UPP2: variants seen among roughly 807,000 people sequenced by gnomAD.
The protein encoded by UPP2 is uridine phosphorylase 2, also known as UPase 2.
Under a neutral mutation model 26.7 loss-of-function variants are expected in UPP2, and 23 were observed. The ratio of observed to expected loss-of-function variants is 0.86; its 90% CI spans 0.62 to 1.22. UPP2 has a LOEUF of 1.22. Among genes scored for constraint, UPP2 ranks in the 50% most tolerant of loss-of-function variants. UPP2 has a pLI of 0.00. For missense variants in UPP2, 387 were observed against 396.7 expected, an observed-to-expected ratio of 0.98 and a Z score of 0.21; for synonymous variants, 127 against 141.3, an observed-to-expected ratio of 0.90 and a Z score of 0.72.
chr2:158,091,168 C>T (rs1278561674), intron 3 of UPP2, among the ~76,000 whole-genome samples: 1 of 152,218 alleles, frequency 6.6e-6, no homozygotes, highest in South Asian at 2.1e-4. Context: ...TGTGGACACA[C>T]TTGTAGCCTC....
chr2:158,114,643 C>T (rs75947104), intron 2 of UPP2, among the ~76,000 whole-genome samples: 7,748 of 152,230 alleles, frequency 0.051, 412 homozygotes, highest in Admixed American at 0.16. Flanking sequence ...CTCCATTTCA[C>T]AATACAAATT....
intron 2 of UPP2, among the ~76,000 whole-genome samples, chr2:157,996,984 A>T (rs772743078): frequency 5.1e-4 from 78 of 152,334 alleles, no homozygotes; most frequent in Non-Finnish European, 9.8e-4. Flanking sequence ...AGAAGGACCA[A>T]GAGAATAACA....
intron 3 of UPP2, among the ~76,000 whole-genome samples, chr2:158,070,609 C>T (rs775281310): frequency 5.3e-5 from 8 of 152,184 alleles, no homozygotes; most frequent in South Asian, 2.1e-4. Flanking sequence ...TTATGGGGGG[C>T]GGAGCAAGGT....
intron 4 of UPP2, 40 bp downstream of exon 4, chr2:158,117,978 C>G: frequency 6.6e-7 from 1 of 1,522,658 alleles, no homozygotes; most frequent in Non-Finnish European, 9.1e-7. Flanking sequence ...CTGAGTGATC[C>G]TTACATACAT....
chr2:158,124,870 A>G (rs1265251163), intron 6 of UPP2, among the ~76,000 whole-genome samples: 1 of 152,180 alleles, frequency 6.6e-6, no homozygotes, highest in Non-Finnish European at 1.5e-5. Flanking sequence ...TAGACATCAA[A>G]ATGGAGGCCA....
chr2:158,016,880 A>C (rs911604087), intron 3 of UPP2, among the ~76,000 whole-genome samples: 1 of 152,162 alleles, frequency 6.6e-6, no homozygotes, highest in Non-Finnish European at 1.5e-5. Context: ...AACAAAAAAG[A>C]AAGCCAAGGA....
intron 3 of UPP2, among the ~76,000 whole-genome samples, chr2:158,028,555 C>G (rs967355042): frequency 6.6e-6 from 1 of 152,156 alleles, no homozygotes; most frequent in Non-Finnish European, 1.5e-5. Context: ...TCTTCTGAGC[C>G]CCCCAATCTG....
chr2:158,001,833 A>G (rs1262475907), intron 2 of UPP2, among the ~76,000 whole-genome samples: 1 of 152,082 alleles, frequency 6.6e-6, no homozygotes, highest in Non-Finnish European at 1.5e-5. Flanking sequence ...GCTTGCAAAT[A>G]CCTGGACATT....
At chr2:158,089,324 C>A in intron 3 of UPP2, among the ~76,000 whole-genome samples, 1 of 152,168 alleles carries the variant, frequency 6.6e-6, no homozygotes, top group East Asian at 1.9e-4. Flanking sequence ...GGCTCACTCC[C>A]ACCGTGCCCC....
intron 3 of UPP2, among the ~76,000 whole-genome samples, chr2:158,064,703 G>A (rs1682408174): frequency 6.6e-6 from 1 of 152,094 alleles, no homozygotes; most frequent in East Asian, 1.9e-4. Flanking sequence ...TTTTCTTCTA[G>A]GATTTTTATG....
chr2:158,022,787 C>T (rs1480185743), intron 3 of UPP2, among the ~76,000 whole-genome samples: 1 of 152,116 alleles, frequency 6.6e-6, no homozygotes, highest in Non-Finnish European at 1.5e-5. Flanking sequence ...CTTCTTAATT[C>T]CTTATTTATC....
In UPP2 at chr2:158,123,688, A is replaced by G. The variant is rs149918167; in HGVS notation, c.665-61A>G. 1,364 of 1,578,390 alleles carry G rather than the reference A, an allele frequency of 8.6e-4. 3 individuals are homozygous for G. The highest frequency in any genetic ancestry group is 1.1e-3 in the Non-Finnish European group (1,222 of 1,162,446). On this transcript the variant is annotated intron_variant, in intron 5 of 6. Coordinates refer to ENST00000005756, the MANE Select transcript of UPP2 (RefSeq NM_173355.4). The stretch of plus-strand genomic sequence containing the variant: ...TGCTCCAGCCAACAGCAAGCCTCCT[A>G]TGAGGCCACTGTCAGTGGGGTGGGA...
rs190332844 is a variant in UPP2, at chr2:158,030,972, T to C, written c.147+15086T>C. On this transcript the variant is annotated intron_variant, in intron 3 of 9. Transcript: ENST00000605860. Reference sequence around the variant, plus strand: ...CTTGTACTAATCAGCTTTGCAACTTTAGGCCAGTCAGTTCCCTCAACTTTC... The same window carrying C: ...CTTGTACTAATCAGCTTTGCAACTTCAGGCCAGTCAGTTCCCTCAACTTTC... Among the ~76,000 whole-genome samples, 13 of 152,316 alleles carry C rather than the reference T, an allele frequency of 8.5e-5. No homozygotes were observed. In the East Asian group the frequency reaches 2.1e-3, roughly 25 times the overall value.
chr2:158,036,242 T>C (rs1683997927), intron 3 of UPP2, among the ~76,000 whole-genome samples: 1 of 152,254 alleles, frequency 6.6e-6, no homozygotes, highest in Non-Finnish European at 1.5e-5. Flanking sequence ...CATTCTGTTA[T>C]TAAAGTTATA....
At chr2:158,033,712 A>G in intron 3 of UPP2, among the ~76,000 whole-genome samples, 1 of 152,242 alleles carries the variant, frequency 6.6e-6, no homozygotes, top group Non-Finnish European at 1.5e-5. Flanking sequence ...CCACAAGCCC[A>G]CTTTTCCAAG....
At chr2:158,065,184 T>C (rs1342928826) in intron 3 of UPP2, among the ~76,000 whole-genome samples, 4 of 152,200 alleles carry the variant, frequency 2.6e-5, no homozygotes, top group African/African-American at 9.6e-5. Context: ...AGGCATAGCA[T>C]GACCTCTATG....
At chr2:158,066,904 G>A (rs1471873151) in intron 3 of UPP2, among the ~76,000 whole-genome samples, 1 of 152,046 alleles carries the variant, frequency 6.6e-6, no homozygotes, top group Non-Finnish European at 1.5e-5. Flanking sequence ...TGTGGGATAT[G>A]CCCTTTAATT....
At chr2:158,075,165 C>G (rs1435537480) in intron 3 of UPP2, among the ~76,000 whole-genome samples, 1 of 151,994 alleles carries the variant, frequency 6.6e-6, no homozygotes, top group African/African-American at 2.4e-5. Context: ...GACCCCAATA[C>G]AGTAATAGCT....
rs141313869 is a variant in UPP2, at chr2:157,999,976, G to A, written c.61+4717G>A. The stretch of plus-strand genomic sequence containing the variant: ...GGGAAGGAGAGAGAGAGGGAGAAAT[G>A]TCAAAAGTTATTAAAACTTTTCAAA... On this transcript the variant is annotated intron_variant, in intron 2 of 9. Transcript: ENST00000605860. Among the ~76,000 whole-genome samples the A allele has an allele frequency of 5.8e-3, 890 of 152,160 alleles. 4 individuals are homozygous for A. The highest frequency in any genetic ancestry group is 0.019 in the African/African-American group (773 of 41,526).
Sources: gnomAD v4.1 joint callset for allele counts (sites outside exome capture counted in the v4.1 genomes callset) on GRCh38, gnomAD v4.1.1 for gene constraint, MANE v1.5 for transcripts, NCBI Gene and HGNC (gene_info 2026-07-23, HGNC 2026-07-21) for gene names.